ZNF674: variants seen among roughly 807,000 people sequenced by gnomAD.
ZNF674 encodes zinc finger family member 674.
ZNF674 carries 2 observed loss-of-function variants against 7.0 expected under a neutral mutation model. That is an observed-to-expected ratio of 0.29 (90% confidence interval 0.12 to 0.90). The LOEUF (loss-of-function observed/expected upper bound fraction) is 0.90. ZNF674 is among the 40% of genes least tolerant of loss of function. The pLI is 0.57. For synonymous variants in ZNF674, 103 were observed against 145.2 expected (o/e 0.71, Z 2.09); for missense variants, 297 against 415.5 (o/e 0.71, Z 2.48).
chrX:46,538,002 C>T (rs1296030972), intron 3 of ZNF674, among the ~76,000 whole-genome samples: 4 of 110,198 alleles, frequency 3.6e-5, no homozygotes. Context: ...GGTGGGAGAA[C>T]TGCTTGAACC....
rs377176227 is a variant in ZNF674 at position 46,505,768 on chromosome X, T to TCTCACACACACACA, written c.239-4434_239-4433insTGTGTGTGTGTGAG. On this transcript the variant is annotated intron_variant, in intron 5 of 5. Transcript: ENST00000683375. ...CCTGGGCTAAAAGAGCAAAACTCTG[T>TCTCACACACACACA]CACACACACACACACACACACACAC... is the stretch of plus-strand genomic sequence containing the variant. Among the ~76,000 whole-genome samples, 158 of 100,243 alleles carry TCTCACACACACACA rather than the reference T, an allele frequency of 1.6e-3. 1 individual carries two copies. Among genetic ancestry groups the TCTCACACACACACA allele is most frequent in the African/African-American group, 5.6e-3 (153 of 27,317 alleles). The allele number at this position is 100,243 out of a possible 115,157, so 87.0% of individuals were successfully genotyped here. A position where few individuals can be genotyped will look rare whatever the true frequency, so the allele number is the denominator to read the frequency against.
chrX:46,505,795 C>CACACACACACACACACACAT (rs1556010542), intron 5 of ZNF674, among the ~76,000 whole-genome samples: 5 of 106,333 alleles, frequency 4.7e-5, no homozygotes, highest in African/African-American at 1.8e-4. Flanking sequence ...CACACACACA[C>CACACACACACACACACACAT]GAAAAAAAAA....
chrX:46,541,992 G>T, intron 3 of ZNF674, 81 bp downstream of exon 3: 2 of 847,544 alleles, frequency 2.4e-6, no homozygotes, highest in Non-Finnish European at 3.5e-6. Flanking sequence ...GGGGATAATT[G>T]GTATTTTCAA....
chrX:46,519,118 G>A (rs1313398027), intron 5 of ZNF674, among the ~76,000 whole-genome samples: 1 of 107,324 alleles, frequency 9.3e-6, no homozygotes, highest in East Asian at 2.9e-4. Flanking sequence ...AAGGAGAAAC[G>A]CTTGAACCTA....
rs778343719 is a variant in ZNF674, at chrX:46,537,910, G to A, written c.15+4163C>T. 9.9e-5 allele frequency among the ~76,000 whole-genome samples: 11 copies of A among 111,509 alleles called. No homozygotes were observed. The Admixed American group carries it at 1.1e-3, about 11-fold the overall frequency. Reference sequence around the variant, plus strand: ...TCAAGATCGGCCTGGCCAGCAGGGTGAAACCCCGTCTCTACTAAAAATACA... The same window carrying A: ...TCAAGATCGGCCTGGCCAGCAGGGTAAAACCCCGTCTCTACTAAAAATACA... On this transcript the variant is annotated intron_variant, in intron 3 of 5. Transcript: ENST00000683375.
In ZNF674 at chrX:46,530,038, C is replaced by T. The variant is rs141108751; in HGVS notation, c.16-1129G>A. 6.5e-3 allele frequency among the ~76,000 whole-genome samples: 725 copies of T among 112,050 alleles called. 4 individuals are homozygous for T. The highest frequency in any genetic ancestry group is 0.023 in the African/African-American group (694 of 30,779). On this transcript the variant is annotated intron_variant, in intron 3 of 5. Coordinates refer to ENST00000683375, the MANE Select transcript of ZNF674 (RefSeq NM_001190417.2). ...GGGAAAGGTCTGTGCTTGGCCTTGT[C>T]ACCACCAAACAAGAACTCACTTCTA... is the stretch of plus-strand genomic sequence containing the variant.
At chrX:46,529,668 C>CA (rs5902377) in intron 3 of ZNF674, 11,439 of 56,786 alleles carry the variant, frequency 0.2, 957 homozygotes, top group East Asian at 0.5. Context: ...GACTCCATCT[C>CA]AAAAAAAAAA....
intron 5 of ZNF674, among the ~76,000 whole-genome samples, chrX:46,524,286 C>T (rs1277449437): frequency 1.8e-5 from 2 of 111,617 alleles, no homozygotes; most frequent in African/African-American, 6.5e-5. Context: ...TGACACATAG[C>T]ATAGATGCAA....
chrX:46,535,987 T>C (rs1404446840), intron 3 of ZNF674, among the ~76,000 whole-genome samples: 1 of 112,215 alleles, frequency 8.9e-6, no homozygotes, highest in African/African-American at 3.2e-5. Context: ...TGAAGAGTAT[T>C]AGAAATTAAA....
intron 3 of ZNF674, among the ~76,000 whole-genome samples, chrX:46,541,324 G>A (rs1356483570): frequency 2.0e-5 from 2 of 100,500 alleles, no homozygotes; most frequent in African/African-American, 7.5e-5. Context: ...TCGCACCATT[G>A]CACTCTAGCC....
chrX:46,527,971 T>A, intron 5 of ZNF674: 1 of 224,960 alleles, frequency 4.4e-6, no homozygotes, highest in Non-Finnish European at 8.0e-6. Context: ...TGCTGACATT[T>A]GCATCTAGTC....
chrX:46,540,640 C>T (rs1448705337), intron 3 of ZNF674, among the ~76,000 whole-genome samples: 2 of 111,377 alleles, frequency 1.8e-5, no homozygotes, highest in Non-Finnish European at 1.9e-5. Flanking sequence ...TGAAGGATTT[C>T]GGAGGGCAAA....
At chrX:46,523,850 C>T (rs148088263) in intron 5 of ZNF674, among the ~76,000 whole-genome samples, 1 of 110,917 alleles carries the variant, frequency 9.0e-6, no homozygotes, top group Non-Finnish European at 1.9e-5. Context: ...TGAGACCACC[C>T]TGGCCAACAT....
At chrX:46,505,944 C>G (rs1224334716) in intron 5 of ZNF674, among the ~76,000 whole-genome samples, 1 of 112,425 alleles carries the variant, frequency 8.9e-6, no homozygotes, top group Non-Finnish European at 1.9e-5. Context: ...TGTTTTGGAG[C>G]TCTACCAAAA....
chrX:46,515,596 A>G (rs1941749827), intron 5 of ZNF674, among the ~76,000 whole-genome samples: 1 of 110,727 alleles, frequency 9.0e-6, no homozygotes, highest in Non-Finnish European at 1.9e-5. Context: ...ACATGTCAAC[A>G]CTTACCAAAC....
chrX:46,544,410 G>A (rs1569485779), intron 2 of ZNF674, 91 bp downstream of exon 2: 2 of 112,539 alleles, frequency 1.8e-5, no homozygotes, highest in African/African-American at 6.5e-5. Flanking sequence ...TGTGTCCAAG[G>A]CGGCAGGACC....
At position 46,502,800 on chromosome X, in the gene ZNF674, T is replaced by A. The variant is rs746006252; in HGVS notation, c.239-1465A>T. Among the ~76,000 whole-genome samples the A allele has an allele frequency of 5.3e-5, 6 of 112,433 alleles. No individual in the cohort carries two copies. The East Asian group carries it at 1.7e-3, about 31-fold the overall frequency. On this transcript the variant is annotated intron_variant, in intron 5 of 5. Coordinates refer to ENST00000683375, the MANE Select transcript of ZNF674 (RefSeq NM_001190417.2). ...CAGCATAAGGAAGCCTGCACATGGA[T>A]GCCTCCAGATTCTGCCTGTGCCTTT... is the stretch of plus-strand genomic sequence containing the variant.
Position 46,536,562 on chromosome X carries a change from C to T in ZNF674, c.15+5511G>A, listed in dbSNP as rs756198543. Among the ~76,000 whole-genome samples the T allele has an allele frequency of 5.8e-5, 6 of 103,480 alleles. No homozygotes were observed. The East Asian group carries it at 9.2e-4, about 16-fold the overall frequency. The allele number at this position is 103,480 out of a possible 115,157, so 89.9% of individuals were successfully genotyped here. ...CTGAGATCGTGCCATTGCACTCCAG[C>T]CTGGCAACAGCAAGACTCCGTCTCA... On this transcript the variant is annotated intron_variant, in intron 3 of 5. Transcript: ENST00000683375.
chrX:46,518,345 T>C (rs1291298992), intron 5 of ZNF674, among the ~76,000 whole-genome samples: 2 of 112,054 alleles, frequency 1.8e-5, no homozygotes, highest in African/African-American at 6.5e-5. Context: ...ATTAAAGATA[T>C]CTATACTGTT....
Sources: allele counts gnomAD v4.1 joint callset (sites outside exome capture counted in the v4.1 genomes callset), GRCh38; gene constraint gnomAD v4.1.1; transcripts MANE v1.5; gene names NCBI Gene and HGNC (gene_info 2026-07-23, HGNC 2026-07-21).